The following FGD4 variants were observed in gnomAD, a reference collection of about 807,000 sequenced individuals.
FGD4 encodes the protein FYVE, RhoGEF and PH domain containing 4.
FGD4 carries 42 observed loss-of-function variants against 102.0 expected under a neutral mutation model. The observed-to-expected ratio is 0.41, with a 90% CI of 0.32 to 0.53. FGD4 has a LOEUF of 0.53. Among genes scored for constraint, FGD4 ranks in the 20% least tolerant of loss-of-function variants. The pLI, the probability that FGD4 is intolerant of heterozygous loss-of-function variation, is 0.21. For missense variants in FGD4, 902 were observed against 1,078.2 expected, an observed-to-expected ratio of 0.84 and a Z score of 2.29; for synonymous variants, 380 against 375.7, an observed-to-expected ratio of 1.01 and a Z score of -0.13.
At chr12:32,426,990 G>C (rs1233027054) in intron 1 of FGD4, among the ~76,000 whole-genome samples, 1 of 149,148 alleles carries the variant, frequency 6.7e-6, no homozygotes, top group African/African-American at 2.5e-5. Flanking sequence ...GGTCTATTTT[G>C]TTAATCTTTT....
At chr12:32,505,253 A>G (rs150337639) in intron 1 of FGD4, among the ~76,000 whole-genome samples, 9 of 152,300 alleles carry the variant, frequency 5.9e-5, no homozygotes, top group Non-Finnish European at 1.2e-4. Flanking sequence ...CCATATTACC[A>G]TGGGTGCAAG....
intron 3 of FGD4, among the ~76,000 whole-genome samples, chr12:32,577,729 A>G (rs1308542951): frequency 6.6e-6 from 1 of 152,204 alleles, no homozygotes; most frequent in East Asian, 1.9e-4. Flanking sequence ...ATTTACTTAG[A>G]ATGGTTTAAT....
rs1404495559 is a variant in FGD4, at chr12:32,544,074, A to G, written c.167-20063A>G. On this transcript the variant is annotated intron_variant, in intron 1 of 16. Coordinates refer to ENST00000534526, the MANE Select transcript of FGD4 (RefSeq NM_001370298.3). This position sits in a 1 kb window ranked among gnomAD's most constrained non-coding sequence, Gnocchi z 4.1. ...AGGACTTCATACTTTGCACAGAAGT[A>G]TTTGCTGTGACTTAAACAAGAGTCA... Among the ~76,000 whole-genome samples the G allele has an allele frequency of 6.6e-6, 1 of 152,142 alleles. No individual in the cohort carries two copies. The highest frequency in any genetic ancestry group is 1.5e-5 in the Non-Finnish European group (1 of 68,018).
At chr12:32,514,342 A>G (rs1031516328) in intron 1 of FGD4, among the ~76,000 whole-genome samples, 1 of 152,166 alleles carries the variant, frequency 6.6e-6, no homozygotes, top group African/African-American at 2.4e-5. Context: ...TTCAGTGTTA[A>G]TTGGGCTTCT....
intron 1 of FGD4, among the ~76,000 whole-genome samples, chr12:32,503,399 G>A (rs962935000): frequency 6.6e-6 from 1 of 151,978 alleles, no homozygotes; most frequent in Non-Finnish European, 1.5e-5. Context: ...AGTTAGAAAA[G>A]GTTATTGCTA....
intron 1 of FGD4, among the ~76,000 whole-genome samples, chr12:32,555,657 C>T (rs949595073): frequency 2.0e-5 from 3 of 150,646 alleles, no homozygotes; most frequent in Non-Finnish European, 4.4e-5. Context: ...CTGCAAGCTC[C>T]GCCTCCCGGT....
At chr12:32,585,222 T>TTATATATATATATATATATATATATA (rs140227421) in intron 4 of FGD4, among the ~76,000 whole-genome samples, 35 of 116,136 alleles carry the variant, frequency 3.0e-4, no homozygotes, top group Non-Finnish European at 4.7e-4. Context: ...CTCAAAAATT[T>TTATATATATATATATATATATATATA]TATATATATA....
In FGD4 at chr12:32,420,211, T is replaced by G. The variant is rs558569747; in HGVS notation, c.166+20252T>G. ...GTTCAGCATGCCAAAGTGCCGTATT[T>G]TGGGGTATTGTTTTCATGCCCTAAC... On this transcript the variant is annotated intron_variant, in intron 1 of 16. Coordinates refer to ENST00000534526, the MANE Select transcript of FGD4 (RefSeq NM_001370298.3). Among the ~76,000 whole-genome samples the G allele has an allele frequency of 2.0e-5, 3 of 152,288 alleles. No homozygotes were observed. In the South Asian group the frequency reaches 6.2e-4, roughly 32 times the overall value.
chr12:32,465,510 A>G (rs1943228285), intron 1 of FGD4, among the ~76,000 whole-genome samples: 1 of 152,052 alleles, frequency 6.6e-6, no homozygotes, highest in Admixed American at 6.6e-5. Context: ...TCTACTGAAA[A>G]TACAAAAATT....
intron 1 of FGD4, among the ~76,000 whole-genome samples, chr12:32,542,131 A>G (rs1005889960): frequency 6.9e-6 from 1 of 145,606 alleles, no homozygotes; most frequent in Non-Finnish European, 1.5e-5. Flanking sequence ...CATTTTATCT[A>G]TTAATGCCGT....
chr12:32,405,094 C>T (rs1277018459), intron 1 of FGD4, among the ~76,000 whole-genome samples: 3 of 150,636 alleles, frequency 2.0e-5, no homozygotes, highest in East Asian at 2.0e-4. Flanking sequence ...CCACCACACC[C>T]GGCTAATTTT....
At chr12:32,478,965 G>A (rs1003862458) in intron 1 of FGD4, among the ~76,000 whole-genome samples, 1 of 152,188 alleles carries the variant, frequency 6.6e-6, no homozygotes, top group Non-Finnish European at 1.5e-5. Context: ...TGCCCACACT[G>A]TTGGTTTCTA....
intron 1 of FGD4, among the ~76,000 whole-genome samples, chr12:32,520,431 T>G (rs1398717079): frequency 8.4e-6 from 1 of 118,486 alleles, no homozygotes; most frequent in Non-Finnish European, 1.9e-5. Flanking sequence ...GTGGGTTTTT[T>G]TGTTTTTTGT....
At chr12:32,402,465 G>A (rs958217367) in intron 1 of FGD4, among the ~76,000 whole-genome samples, 26 of 151,900 alleles carry the variant, frequency 1.7e-4, no homozygotes, top group Admixed American at 1.3e-4. Flanking sequence ...GGGTCTCACT[G>A]TGTTGCCCAG....
At chr12:32,442,472 G>A (rs1410476765) in intron 1 of FGD4, among the ~76,000 whole-genome samples, 1 of 148,630 alleles carries the variant, frequency 6.7e-6, no homozygotes, top group Non-Finnish European at 1.5e-5. Context: ...TGTGTAGATT[G>A]TTGTTAACTT....
intron 4 of FGD4, among the ~76,000 whole-genome samples, chr12:32,585,058 TA>T (rs1946892402): frequency 6.6e-6 from 1 of 150,900 alleles, no homozygotes; most frequent in Non-Finnish European, 1.5e-5. Flanking sequence ...CCATCTCTAC[TA>T]AAAATACAAA....
chr12:32,403,841 C>G (rs1455018628), intron 1 of FGD4, among the ~76,000 whole-genome samples: 1 of 151,986 alleles, frequency 6.6e-6, no homozygotes, highest in Non-Finnish European at 1.5e-5. Context: ...GTGATCCGCC[C>G]GCCTCGGCCT....
At chr12:32,473,149 C>T (rs1943467567) in intron 1 of FGD4, among the ~76,000 whole-genome samples, 1 of 151,980 alleles carries the variant, frequency 6.6e-6, no homozygotes, top group South Asian at 2.1e-4. Flanking sequence ...CAATCAGCAC[C>T]CTGACAAAAC....
intron 2 of FGD4, among the ~76,000 whole-genome samples, chr12:32,567,002 C>A (rs1472488119): frequency 6.6e-6 from 1 of 152,122 alleles, no homozygotes; most frequent in Non-Finnish European, 1.5e-5. Context: ...GGCGTGTAGC[C>A]CTCCTGTGCA....
Sources: gnomAD v4.1 joint callset for allele counts (sites outside exome capture counted in the v4.1 genomes callset) on GRCh38, gnomAD v4.1.1 for gene constraint, Gnocchi (gnomAD v3.1) non-coding constraint, MANE v1.5 for transcripts, NCBI Gene and HGNC (gene_info 2026-07-23, HGNC 2026-07-21) for gene names.